Variants in SLC7A9 observed in about 807,000 individuals in gnomAD.
SLC7A9 encodes the protein solute carrier family 7 member 9.
A neutral mutation model predicts 54.1 loss-of-function variants in SLC7A9; 38 were observed. That is an observed-to-expected ratio of 0.70 (90% CI 0.54 to 0.92). The LOEUF is 0.92. Among genes scored for constraint, SLC7A9 ranks in the 40% least tolerant of loss-of-function variants. The pLI is 0.00. For synonymous variants in SLC7A9, 264 were observed against 258.9 expected, an observed-to-expected ratio of 1.02 and a Z score of -0.19; for missense variants, 537 against 636.1, an observed-to-expected ratio of 0.84 and a Z score of 1.68.
At chr19:32,868,976 A>T (rs1969060308) in intron 1 of SLC7A9, among the ~76,000 whole-genome samples, 1 of 149,842 alleles carries the variant, frequency 6.7e-6, no homozygotes, top group Non-Finnish European at 1.5e-5. Context: ...TCGGAGGCCG[A>T]GGTGGGTGGA....
Position 32,862,235 on chromosome 19 carries a change from A to G in SLC7A9, c.605-18T>C. 1.3e-6 allele frequency: 2 copies of G among 1,596,236 alleles called. No homozygotes were observed. The highest frequency in any genetic ancestry group is 1.7e-6 in the Non-Finnish European group (2 of 1,163,690). ...TGTGTTTCCTGTAATGAAGCCAGAC[A>G]GTGAACGGCGGGTGTCAACCGGGCA... On this transcript the variant is annotated intron_variant, in intron 5 of 12. Coordinates refer to ENST00000023064, the MANE Select transcript of SLC7A9 (RefSeq NM_014270.5).
At chr19:32,844,297 A>T (rs541592443) in intron 9 of SLC7A9, among the ~76,000 whole-genome samples, 8 of 152,270 alleles carry the variant, frequency 5.3e-5, no homozygotes, top group African/African-American at 1.2e-4. Context: ...AAAATTTTTT[A>T]AATGTACCAT....
intron 12 of SLC7A9, among the ~76,000 whole-genome samples, chr19:32,830,908 A>C (rs935250600): frequency 2.0e-5 from 3 of 152,150 alleles, no homozygotes; most frequent in African/African-American, 7.2e-5. Flanking sequence ...ACCTCCTAGG[A>C]GTGTCCGGAG....
chr19:32,863,829 G>A (rs951108966), intron 4 of SLC7A9, among the ~76,000 whole-genome samples: 2 of 152,352 alleles, frequency 1.3e-5, no homozygotes, highest in Non-Finnish European at 2.9e-5. Context: ...CGAGTAGCTG[G>A]GATTACAGGC....
At chr19:32,867,667 G>A (rs1334150728) in intron 2 of SLC7A9, among the ~76,000 whole-genome samples, 1 of 152,022 alleles carries the variant, frequency 6.6e-6, no homozygotes, top group Non-Finnish European at 1.5e-5. Context: ...TATGCGGGCC[G>A]GGCAAGTTGG....
At chr19:32,846,316 C>T (rs556800491) in intron 9 of SLC7A9, among the ~76,000 whole-genome samples, 3 of 152,214 alleles carry the variant, frequency 2.0e-5, no homozygotes, top group Non-Finnish European at 2.9e-5. Context: ...GTCACTCCCA[C>T]CCTAATACTG....
In SLC7A9 at chr19:32,858,430, G is replaced by T. The variant is rs755733772; in HGVS notation, c.977+10C>A. On this transcript the variant is annotated intron_variant, in intron 9 of 12. Transcript: ENST00000023064. ...TGTCCACCCTGGGAGTGACGGTGGG[G>T]GTCCCCTACCTGCCCGCTGTGAAGC... 1.9e-5 allele frequency: 30 copies of T among 1,603,384 alleles called. No individual in the cohort carries two copies. The highest frequency in any genetic ancestry group is 2.5e-5 in the Non-Finnish European group (29 of 1,171,810).
At chr19:32,855,620 T>G (rs1968603580) in intron 9 of SLC7A9, among the ~76,000 whole-genome samples, 1 of 151,930 alleles carries the variant, frequency 6.6e-6, no homozygotes, top group Admixed American at 6.6e-5. Context: ...GAGAATGGCG[T>G]GAACCTGGGA....
intron 6 of SLC7A9, among the ~76,000 whole-genome samples, chr19:32,861,190 A>G (rs895292926): frequency 5.3e-5 from 8 of 152,018 alleles, no homozygotes; most frequent in African/African-American, 1.7e-4. Context: ...TTAGCCCTGC[A>G]TGGTGGCAGG....
Position 32,842,212 on chromosome 19 carries a change from T to C in SLC7A9, c.1180A>G (p.Ile394Val), listed in dbSNP as rs1900829764. 2 of 1,614,050 alleles carry C rather than the reference T, an allele frequency of 1.2e-6. No individual in the cohort carries two copies. Among genetic ancestry groups the C allele is most frequent in the Non-Finnish European group, 1.7e-6 (2 of 1,180,024 alleles). The change falls in exon 11 of 13, where the codon ATC (isoleucine) becomes GTC (valine). Residue 394 changes from isoleucine (I) to valine (V), a missense_variant. Ile to Val is a conservative substitution (Grantham distance 29). Transcript: ENST00000023064. ...LFYGLTILGL[I>V]VMRFTRKELE... ...TCTTTCCTTGTAAATCTCATCACGA[T>C]GAGTCCTAGAATCGTCAGGCCATAA... is the stretch of plus-strand genomic sequence containing the variant.
At chr19:32,864,021 G>A (rs533055219) in intron 4 of SLC7A9, 75 bp downstream of exon 4, 3 of 1,604,700 alleles carry the variant, frequency 1.9e-6, no homozygotes, top group East Asian at 4.5e-5. Context: ...CACTGGGGAG[G>A]AGCTGAGGGC....
At chr19:32,849,975 T>C (rs1968421161) in intron 9 of SLC7A9, among the ~76,000 whole-genome samples, 1 of 151,728 alleles carries the variant, frequency 6.6e-6, no homozygotes, top group Non-Finnish European at 1.5e-5. Flanking sequence ...TTGACAAAAT[T>C]CAACAACCCT....
chr19:32,863,493 G>A (rs1203110867), intron 4 of SLC7A9, among the ~76,000 whole-genome samples: 1 of 152,062 alleles, frequency 6.6e-6, no homozygotes, highest in Non-Finnish European at 1.5e-5. Flanking sequence ...CCACGTAGCT[G>A]GGACGCCAGG....
At chr19:32,865,995 G>A (rs1170072723) in intron 2 of SLC7A9, among the ~76,000 whole-genome samples, 1 of 150,592 alleles carries the variant, frequency 6.6e-6, no homozygotes. Flanking sequence ...TACACTGTAT[G>A]TAAATTACAC....
At chr19:32,832,580 T>G in intron 12 of SLC7A9, among the ~76,000 whole-genome samples, 1 of 130,430 alleles carries the variant, frequency 7.7e-6, no homozygotes, top group Admixed American at 8.2e-5. Flanking sequence ...AGAGTGAGAC[T>G]GTGTCTCAAA....
At chr19:32,830,712 G>GTT in intron 12 of SLC7A9, 28 bp from the exon 13 acceptor site, 1 of 1,586,634 alleles carries the variant, frequency 6.3e-7, no homozygotes, top group Non-Finnish European at 8.7e-7. Context: ...AATGAGTACA[G>GTT]TTAGTTAGAC....
Position 32,860,569 on chromosome 19 carries a change from G to T in SLC7A9, c.749+37C>A, listed in dbSNP as rs548987068. On this transcript the variant is annotated intron_variant, in intron 7 of 12. Coordinates refer to ENST00000023064, the MANE Select transcript of SLC7A9 (RefSeq NM_014270.5). ...TCACCAGGAGAAGAGAAATCAGGCT[G>T]CCCGGCTACTGTCCTCTGCACTGAT... The T allele has an allele frequency of 3.1e-6, 5 of 1,614,036 alleles. No homozygotes were observed. The African/African-American group carries it at 6.7e-5, about 22-fold the overall frequency.
chr19:32,864,332 A>C lies in SLC7A9; in HGVS notation c.242T>G (p.Leu81Arg). ...ACGVLATLGA[L>R]CFAELGTMIT... ...CATTGTGCCAAGCTCCGCAAAGCAC[A>C]GGGCACCTGGAACACAGAGAGGAAG... Residue 81 changes from leucine (L) to arginine (R), a missense_variant, in exon 4 of 13, where the codon CTG becomes CGG. Coordinates refer to ENST00000023064, the MANE Select transcript of SLC7A9 (RefSeq NM_014270.5). 6.2e-7 allele frequency: 1 copy of C among 1,613,936 alleles called. No homozygotes were observed. Among genetic ancestry groups the C allele is most frequent in the Non-Finnish European group, 8.5e-7 (1 of 1,180,008 alleles).
At chr19:32,854,619 C>T (rs1395657955) in intron 9 of SLC7A9, among the ~76,000 whole-genome samples, 1 of 152,124 alleles carries the variant, frequency 6.6e-6, no homozygotes, top group African/African-American at 2.4e-5. Flanking sequence ...CGGAGTATCT[C>T]ACTGTGTCGC....
Sources: gnomAD v4.1 joint callset for allele counts (sites outside exome capture counted in the v4.1 genomes callset) on GRCh38, gnomAD v4.1.1 for gene constraint, MANE v1.5 for transcripts, NCBI Gene and HGNC (gene_info 2026-07-23, HGNC 2026-07-21) for gene names.